The following SLC3A1 variants were observed in gnomAD, a reference collection of about 807,000 sequenced individuals.
The protein encoded by SLC3A1 is amino acid transporter heavy chain SLC3A1.
A neutral mutation model predicts 60.3 loss-of-function variants in SLC3A1; 78 were observed. The observed-to-expected ratio is 1.29, with a 90% CI of 1.08 to 1.56. SLC3A1 has a LOEUF of 1.56. SLC3A1 is among the 40% of genes most tolerant of loss of function. The pLI is 0.00. For synonymous variants in SLC3A1, 392 were observed against 307.9 expected, an observed-to-expected ratio of 1.27 and a Z score of -2.86; for missense variants, 1,172 against 858.9, an observed-to-expected ratio of 1.36 and a Z score of -4.56.
chr2:44,317,112 G>A (rs1672492664), intron 9 of SLC3A1, among the ~76,000 whole-genome samples: 1 of 152,116 alleles, frequency 6.6e-6, no homozygotes, highest in African/African-American at 2.4e-5. Flanking sequence ...AGTAACTCTA[G>A]ATTTGAGCTG....
intron 9 of SLC3A1, among the ~76,000 whole-genome samples, chr2:44,315,427 A>T (rs1395814822): frequency 6.6e-6 from 1 of 151,578 alleles, no homozygotes; most frequent in Non-Finnish European, 1.5e-5. Flanking sequence ...AGCCAGAGGA[A>T]TGCTTGAGCA....
chr2:44,280,036 G>C (rs924732948), intron 1 of SLC3A1, among the ~76,000 whole-genome samples: 2 of 152,094 alleles, frequency 1.3e-5, no homozygotes, highest in Non-Finnish European at 2.9e-5. Flanking sequence ...CCACATGACC[G>C]ACAGGGGCCA....
At chr2:44,299,382 T>C (rs1016431165) in intron 4 of SLC3A1, among the ~76,000 whole-genome samples, 2 of 152,208 alleles carry the variant, frequency 1.3e-5, no homozygotes, top group Non-Finnish European at 2.9e-5. Flanking sequence ...ACAACACTAG[T>C]ATCTGAGTTT....
intron 3 of SLC3A1, among the ~76,000 whole-genome samples, chr2:44,282,120 C>A (rs541739656): frequency 2.8e-4 from 42 of 152,286 alleles, no homozygotes; most frequent in African/African-American, 9.9e-4. Context: ...GATCCACCTG[C>A]CTCGGCCTCC....
At chr2:44,299,887 A>G (rs964594437) in intron 4 of SLC3A1, 84 bp from the exon 5 acceptor site, 1 of 1,382,608 alleles carries the variant, frequency 7.2e-7, no homozygotes, top group Non-Finnish European at 1.0e-6. Context: ...TATGATGCCA[A>G]GTTGTTAACA....
intron 9 of SLC3A1, among the ~76,000 whole-genome samples, chr2:44,316,604 T>G (rs1672467381): frequency 6.6e-6 from 1 of 152,220 alleles, no homozygotes; most frequent in Admixed American, 6.5e-5. Flanking sequence ...AGGAAGACTT[T>G]GTCTTCTTTC....
At chr2:44,289,386 T>C (rs1671687962) in intron 4 of SLC3A1, among the ~76,000 whole-genome samples, 1 of 150,586 alleles carries the variant, frequency 6.6e-6, no homozygotes, top group South Asian at 2.1e-4. Flanking sequence ...AATTTTTGTA[T>C]TTTTAGTAGA....
rs1233723603 is a variant in SLC3A1 at position 44,312,796 on chromosome 2, C to G, written c.1500+43C>G. Reference sequence around the variant, plus strand: ...TGACTATTCATCACAGCTATAAAACCAAGTATTCATTTTTTATTTTTTGCC... The same window carrying G: ...TGACTATTCATCACAGCTATAAAACGAAGTATTCATTTTTTATTTTTTGCC... On this transcript the variant is annotated intron_variant, in intron 8 of 9. Transcript: ENST00000260649. 4 of 1,535,968 alleles carry G rather than the reference C, an allele frequency of 2.6e-6. No individual in the cohort carries two copies. The South Asian group carries it at 4.5e-5, about 17-fold the overall frequency.
At chr2:44,321,522 A>G (rs904353615), downstream of SLC3A1, 11 of 1,557,232 alleles carry the variant, frequency 7.1e-6, no homozygotes, top group East Asian at 2.3e-5. Flanking sequence ...CTCTTTATCT[A>G]TCCATCTTTA....
At position 44,301,083 on chromosome 2, in the gene SLC3A1, C is replaced by A. The variant is rs755414509; in HGVS notation, c.1092C>A (p.Phe364Leu). 5 of 1,614,174 alleles carry A rather than the reference C, an allele frequency of 3.1e-6. No individual in the cohort carries two copies. The highest frequency in any genetic ancestry group is 4.2e-6 in the Non-Finnish European group (5 of 1,180,036). Residue 364 changes from phenylalanine to leucine, a missense_variant, in exon 6 of 10, where the codon TTC becomes TTA. By Grantham distance (22) the Phe-to-Leu change is conservative (BLOSUM62 0). Coordinates refer to ENST00000260649, the MANE Select transcript of SLC3A1 (RefSeq NM_000341.4). ...QVGMHDIVRS[F>L]RQTMDQYSTE... ...GAATGCACGACATTGTCCGCAGCTT[C>A]CGGCAGACCATGGACCAATACAGCA...
At chr2:44,311,116 G>A (rs1469096913) in intron 7 of SLC3A1, among the ~76,000 whole-genome samples, 1 of 151,990 alleles carries the variant, frequency 6.6e-6, no homozygotes, top group East Asian at 1.9e-4. Flanking sequence ...TTTCTTTCTG[G>A]TTCTCAGGCC....
intron 3 of SLC3A1, 26 bp downstream of exon 3, chr2:44,281,567 A>G (rs753136096): frequency 6.2e-7 from 1 of 1,610,348 alleles, no homozygotes; most frequent in Non-Finnish European, 8.5e-7. Context: ...TCTGACTTAC[A>G]AAGGGGTAAA....
chr2:44,310,056 G>A (rs548675558), intron 7 of SLC3A1, among the ~76,000 whole-genome samples: 1 of 152,206 alleles, frequency 6.6e-6, no homozygotes, highest in East Asian at 1.9e-4. Flanking sequence ...ACCATACCTG[G>A]ATAATTTTTG....
In SLC3A1 at chr2:44,320,616, A is replaced by T; in HGVS notation, c.2035A>T (p.Asn679Tyr). 6.2e-7 allele frequency: 1 copy of T among 1,613,958 alleles called. No individual in the cohort carries two copies. The highest frequency in any genetic ancestry group is 8.5e-7 in the Non-Finnish European group (1 of 1,179,848). Reference sequence around the variant, plus strand: ...TCGAGCATGCTATTCCAGTGTACTGAACATACTGTATACCTCGTGTTAGGC... The same window carrying T: ...TCGAGCATGCTATTCCAGTGTACTGTACATACTGTATACCTCGTGTTAGGC... ...SNRACYSSVL[N>Y]ILYTSC is the part of the protein sequence containing the mutation. The change falls in exon 10 of 10, where the codon AAC (asparagine) becomes TAC (tyrosine). Residue 679 changes from asparagine (N) to tyrosine (Y), a missense_variant. Physicochemically the swap from Asn to Tyr is moderately radical, Grantham distance 143 (BLOSUM62 -2). Transcript: ENST00000260649.
intron 7 of SLC3A1, among the ~76,000 whole-genome samples, chr2:44,308,446 G>A (rs560411852): frequency 6.6e-6 from 1 of 152,102 alleles, no homozygotes; most frequent in Non-Finnish European, 1.5e-5. Context: ...ATGCCATCTT[G>A]TCTTCTAATC....
chr2:44,308,488 T>C (rs1016584014), intron 7 of SLC3A1, among the ~76,000 whole-genome samples: 1 of 152,184 alleles, frequency 6.6e-6, no homozygotes, highest in East Asian at 1.9e-4. Flanking sequence ...TTTAGGTCTT[T>C]AATTTCTTTT....
In SLC3A1 at chr2:44,275,663, A is replaced by G. The variant is rs772026347; in HGVS notation, c.128A>G (p.Asn43Ser). ...CCGGATCCAGGAAGCTCAACAGACAACCTGAAGCACAGCACCAGGGGCATC... is the reference window on the plus strand; with the variant it reads ...CCGGATCCAGGAAGCTCAACAGACAGCCTGAAGCACAGCACCAGGGGCATC... ...QTPDPGSSTDNLKHSTRGILG... is the reference protein window; with the variant it reads ...QTPDPGSSTDSLKHSTRGILG... Residue 43 changes from asparagine to serine, a missense_variant, in exon 1 of 10, where the codon AAC becomes AGC. Physicochemically the swap from Asn to Ser is conservative, Grantham distance 46 (BLOSUM62 1). Coordinates refer to ENST00000260649, the MANE Select transcript of SLC3A1 (RefSeq NM_000341.4). 5 of 1,614,198 alleles carry G rather than the reference A, an allele frequency of 3.1e-6. No homozygotes were observed. Among genetic ancestry groups the G allele is most frequent in the Non-Finnish European group, 4.2e-6 (5 of 1,180,032 alleles).
intron 6 of SLC3A1, 123 bp downstream of exon 6, chr2:44,301,250 T>A: frequency 7.8e-7 from 1 of 1,277,006 alleles, no homozygotes; most frequent in Non-Finnish European, 1.1e-6. Context: ...TAACTCTAAT[T>A]GATTACAGTT....
chr2:44,299,877 T>C, intron 4 of SLC3A1, 94 bp from the exon 5 acceptor site: 1 of 1,290,578 alleles, frequency 7.7e-7, no homozygotes, highest in Non-Finnish European at 1.1e-6. Context: ...ATATCTGTTT[T>C]ATGATGCCAA....
Sources: gnomAD v4.1 joint callset for allele counts (sites outside exome capture counted in the v4.1 genomes callset) on GRCh38, gnomAD v4.1.1 for gene constraint, MANE v1.5 for transcripts, NCBI Gene and HGNC (gene_info 2026-07-23, HGNC 2026-07-21) for gene names.